MYH14: variants seen among roughly 807,000 people sequenced by gnomAD.
The protein encoded by MYH14 is myosin-14.
In MYH14, 123 loss-of-function variants were observed where a neutral mutation model predicts 255.5. That is an observed-to-expected ratio of 0.48 (90% CI 0.42 to 0.56). MYH14 has a LOEUF of 0.56. Among genes scored for constraint, MYH14 ranks in the 20% least tolerant of loss-of-function variants. The pLI is 0.00. For synonymous variants in MYH14, 1,095 were observed against 1,161.2 expected, an observed-to-expected ratio of 0.94 and a Z score of 1.16; for missense variants, 2,423 against 2,802.3, an observed-to-expected ratio of 0.86 and a Z score of 3.06.
chr19:50,245,075 T>A (rs1228969280), intron 11 of MYH14, among the ~76,000 whole-genome samples: 1 of 152,110 alleles, frequency 6.6e-6, no homozygotes, highest in African/African-American at 2.4e-5. Context: ...CTCTTTATTA[T>A]TATAAAATAA....
chr19:50,282,214 G>T (rs192525759), intron 33 of MYH14, among the ~76,000 whole-genome samples: 1 of 152,278 alleles, frequency 6.6e-6, no homozygotes, highest in African/African-American at 2.4e-5. Context: ...TTCCATCTCA[G>T]CTTCAGTTCG....
In MYH14 at chr19:50,250,367, C is replaced by G. The variant is rs1477968479; in HGVS notation, c.1657-148C>G. 1 of 766,416 alleles carries G rather than the reference C, an allele frequency of 1.3e-6. No homozygotes were observed. The highest frequency in any genetic ancestry group is 2.2e-6 in the Non-Finnish European group (1 of 464,702). The allele number at this position is 766,416 out of a possible 1,614,324, so 47.5% of individuals were successfully genotyped here. On this transcript the variant is annotated intron_variant, in intron 14 of 42. Transcript: ENST00000642316. The surrounding 1 kb of genome is among the most constrained non-coding windows in gnomAD (Gnocchi z 5.4). ...CTACCCGCCTCGGCCTCCCAAAGTGCTGGGATTACAGGCGTGAGCCACCGT... is the reference window on the plus strand; with the variant it reads ...CTACCCGCCTCGGCCTCCCAAAGTGGTGGGATTACAGGCGTGAGCCACCGT...
At position 50,252,743 on chromosome 19, in the gene MYH14, C is replaced by G; in HGVS notation, c.1935C>G (p.Ile645Met). Reference protein sequence around the residue: ...HQSTDRLTAEIWKDEHGGFQQ... With the variant: ...HQSTDRLTAEMWKDEHGGFQQ... Reference sequence around the variant, plus strand: ...GCACAGACCGGCTGACGGCAGAGATCTGGAAAGACGGTGAGGACCCACTTC... The same window carrying G: ...GCACAGACCGGCTGACGGCAGAGATGTGGAAAGACGGTGAGGACCCACTTC... The change falls in exon 16 of 43, where the codon ATC (isoleucine) becomes ATG (methionine). Residue 645 changes from isoleucine to methionine, a missense_variant. Ile to Met is a conservative substitution (Grantham distance 10). This residue lies in a region of MYH14 where 672 missense variants were observed against 881.8 expected (regional missense o/e 0.76). Transcript: ENST00000642316. The surrounding 1 kb of genome is among the most constrained non-coding windows in gnomAD (Gnocchi z 4.2). The G allele has an allele frequency of 6.3e-7, 1 of 1,586,346 alleles. No individual in the cohort carries two copies. Among genetic ancestry groups the G allele is most frequent in the South Asian group, 1.2e-5 (1 of 86,792 alleles).
At chr19:50,306,886 C>T (rs981951039) in intron 40 of MYH14, among the ~76,000 whole-genome samples, 163 bp from the exon 41 acceptor site, 1 of 152,204 alleles carries the variant, frequency 6.6e-6, no homozygotes, top group Non-Finnish European at 1.5e-5. Context: ...AGGCAGCCTG[C>T]ATGTCAGTGT....
Position 50,250,779 on chromosome 19 carries a change from C to T in MYH14, c.1830+91C>T, listed in dbSNP as rs565401167. 13 of 1,357,364 alleles carry T rather than the reference C, an allele frequency of 9.6e-6. No individual in the cohort carries two copies. The African/African-American group carries it at 1.1e-4, about 12-fold the overall frequency. The allele number at this position is 1,357,364 out of a possible 1,614,324, so 84.1% of individuals were successfully genotyped here. ...ATGGGGGGAGGGTGCAGAGGGAAAA[C>T]AGGGTCCTCCTGAGGTCCAGACAAA... On this transcript the variant is annotated intron_variant, in intron 15 of 42. Coordinates refer to ENST00000642316, the MANE Select transcript of MYH14 (RefSeq NM_001145809.2). The surrounding 1 kb of genome is among the most constrained non-coding windows in gnomAD (Gnocchi z 5.4).
At chr19:50,268,932 C>T (rs1244631202) in intron 24 of MYH14, among the ~76,000 whole-genome samples, 1 of 152,238 alleles carries the variant, frequency 6.6e-6, no homozygotes, top group African/African-American at 2.4e-5. Context: ...GTGTATTTTA[C>T]ACTACAGCAC....
chr19:50,298,287 AAG>A, intron 39 of MYH14, among the ~76,000 whole-genome samples: 1 of 152,136 alleles, frequency 6.6e-6, no homozygotes, highest in Admixed American at 6.5e-5. Context: ...GTGCAGGTGA[AAG>A]AGGGGGCAGG....
At position 50,250,600 on chromosome 19, in the gene MYH14, C is replaced by T; in HGVS notation, c.1742C>T (p.Ala581Val). 2 of 1,614,010 alleles carry T rather than the reference C, an allele frequency of 1.2e-6. No homozygotes were observed. Among genetic ancestry groups the T allele is most frequent in the Non-Finnish European group, 1.7e-6 (2 of 1,179,928 alleles). ...GACAAGTCGTTTGTGGAGAAGGTAGCCCAGGAGCAGGGCGGCCACCCCAAG... is the reference window on the plus strand; with the variant it reads ...GACAAGTCGTTTGTGGAGAAGGTAGTCCAGGAGCAGGGCGGCCACCCCAAG... ...ATDKSFVEKV[A>V]QEQGGHPKFQ... Residue 581 changes from alanine (A) to valine (V), a missense_variant, in exon 15 of 43, where the codon GCC (alanine) becomes GTC (valine). Around this residue, in one of 3 missense-constraint regions of MYH14, gnomAD observed 672 missense variants for 881.8 expected, o/e 0.76. Transcript: ENST00000642316. This position sits in a 1 kb window ranked among gnomAD's most constrained non-coding sequence, Gnocchi z 5.4.
rs588035 is a variant in MYH14, at chr19:50,289,926, C to G, written c.4965+278C>G. Among the ~76,000 whole-genome samples the G allele has an allele frequency of 0.67, 101,509 of 151,810 alleles. 35,607 individuals are homozygous for G. Among genetic ancestry groups the G allele is most frequent in the East Asian group, 0.92 (4,720 of 5,138 alleles). On this transcript the variant is annotated intron_variant, in intron 35 of 42. Coordinates refer to ENST00000642316, the MANE Select transcript of MYH14 (RefSeq NM_001145809.2). ...CTCCCACAAAACCATCTTCCTATTC[C>G]CCAACCCATTAACCTGCCATGACCC...
chr19:50,282,097 C>T (rs2035745220), intron 33 of MYH14, among the ~76,000 whole-genome samples: 1 of 152,150 alleles, frequency 6.6e-6, no homozygotes, highest in African/African-American at 2.4e-5. Context: ...TTTTGGATGA[C>T]AAAATATACG....
intron 17 of MYH14, among the ~76,000 whole-genome samples, chr19:50,255,775 C>T (rs1367008318): frequency 6.6e-6 from 1 of 151,734 alleles, no homozygotes; most frequent in Non-Finnish European, 1.5e-5. Context: ...TGATAATTAT[C>T]ATTTTGAAAA....
At chr19:50,244,634 C>A (rs1238508361) in intron 11 of MYH14, among the ~76,000 whole-genome samples, 1 of 152,128 alleles carries the variant, frequency 6.6e-6, no homozygotes, top group African/African-American at 2.4e-5. Flanking sequence ...CAGGCGCCCG[C>A]CACCACGCCC....
chr19:50,303,483 A>G (rs1191156768), intron 40 of MYH14, among the ~76,000 whole-genome samples: 1 of 152,136 alleles, frequency 6.6e-6, no homozygotes, highest in Non-Finnish European at 1.5e-5. Flanking sequence ...CTTCTGCCAT[A>G]TCCTATTAAC....
chr19:50,243,795 C>G (rs1288851180), intron 10 of MYH14, among the ~76,000 whole-genome samples: 1 of 152,112 alleles, frequency 6.6e-6, no homozygotes, highest in African/African-American at 2.4e-5. Flanking sequence ...CACTGTAGAC[C>G]TTCTTCATTC....
At chr19:50,225,969 G>A (rs2033078643) in intron 7 of MYH14, among the ~76,000 whole-genome samples, 1 of 26,400 alleles carries the variant, frequency 3.8e-5, no homozygotes, top group Non-Finnish European at 1.2e-4. Context: ...AGGGAGGAGG[G>A]GCTGGGGACC....
In MYH14 at chr19:50,276,107, C is replaced by G; in HGVS notation, c.3584C>G (p.Ala1195Gly). ...LESERVARTKAEKQRRDLGEE... is the reference protein window; with the variant it reads ...LESERVARTKGEKQRRDLGEE... The stretch of plus-strand genomic sequence containing the variant: ...TCTGAGCGTGTGGCCAGGACCAAGG[C>G]GGAGAAGCAGCGCCGGGACCTGGGC... Residue 1195 changes from alanine (A) to glycine (G), a missense_variant, in exon 28 of 43, where the codon GCG becomes GGG. Transcript: ENST00000642316. The surrounding 1 kb of genome is among the most constrained non-coding windows in gnomAD (Gnocchi z 4.3). 6.2e-7 allele frequency: 1 copy of G among 1,605,904 alleles called. No homozygotes were observed. Among genetic ancestry groups the G allele is most frequent in the South Asian group, 1.1e-5 (1 of 89,522 alleles).
At chr19:50,209,356 A>G (rs535083533) in intron 1 of MYH14, among the ~76,000 whole-genome samples, 8 of 152,204 alleles carry the variant, frequency 5.3e-5, no homozygotes, top group African/African-American at 1.9e-4. Flanking sequence ...CAGTGCCCAG[A>G]ACTGAGCCTG....
chr19:50,220,536 C>A (rs923431417), intron 3 of MYH14, among the ~76,000 whole-genome samples: 2 of 151,034 alleles, frequency 1.3e-5, no homozygotes, highest in East Asian at 1.9e-4. Context: ...TATTAAATAG[C>A]ATAATATTGT....
chr19:50,271,302 C>G (rs1329588177), intron 24 of MYH14, 107 bp from the exon 25 acceptor site: 1 of 1,242,020 alleles, frequency 8.1e-7, no homozygotes, highest in Non-Finnish European at 1.1e-6. Context: ...CATCTCTGAA[C>G]CACAAGCCGC....
Sources: allele counts gnomAD v4.1 joint callset (sites outside exome capture counted in the v4.1 genomes callset), GRCh38; gene constraint gnomAD v4.1.1; regional missense constraint gnomAD v4.1.1; non-coding constraint Gnocchi (gnomAD v3.1); transcripts MANE v1.5; gene names NCBI Gene and HGNC (gene_info 2026-07-23, HGNC 2026-07-21).